The following KDM4B variants were observed in gnomAD, a reference collection of about 807,000 sequenced individuals.
The protein encoded by KDM4B is lysine demethylase 4B, also known as lysine-specific demethylase 4B.
KDM4B carries 32 observed loss-of-function variants against 125.2 expected under a neutral mutation model. The ratio of observed to expected loss-of-function variants is 0.26; its 90% confidence interval spans 0.19 to 0.34. The LOEUF is 0.34. KDM4B is among the 10% of genes least tolerant of loss of function. The pLI, the probability that KDM4B is intolerant of heterozygous loss-of-function variation, is 1.00. For missense variants in KDM4B, 1,190 were observed against 1,577.7 expected, an observed-to-expected ratio of 0.75 and a Z score of 4.16; for synonymous variants, 721 against 677.9, an observed-to-expected ratio of 1.06 and a Z score of -0.99.
rs917075844 is a variant in KDM4B, at chr19:5,050,254, A to ATTC, written c.626+2585_626+2586insTTC. Among the ~76,000 whole-genome samples, 4 of 152,256 alleles carry ATTC rather than the reference A, an allele frequency of 2.6e-5. 1 individual carries two copies. The highest frequency in any genetic ancestry group is 9.6e-5 in the African/African-American group (4 of 41,464). On this transcript the variant is annotated intron_variant, in intron 6 of 22. Transcript: ENST00000159111. ...ATTTGTGTGTCAAAGTGACGTGAACAGCCTGGTGTCAATAACAGGCAGAAA... is the reference window on the plus strand; with the variant it reads ...ATTTGTGTGTCAAAGTGACGTGAACATTCGCCTGGTGTCAATAACAGGCAGAAA...
intron 5 of KDM4B, among the ~76,000 whole-genome samples, chr19:5,044,408 C>T (rs924153007): frequency 6.7e-5 from 10 of 148,842 alleles, no homozygotes; most frequent in Admixed American, 4.7e-4. Context: ...GGGTGTCCAC[C>T]TTATCCCACG....
At chr19:5,135,810 G>A (rs1268615332) in intron 15 of KDM4B, among the ~76,000 whole-genome samples, 6 of 152,234 alleles carry the variant, frequency 3.9e-5, no homozygotes, top group South Asian at 4.1e-4. Flanking sequence ...CTGGATGACC[G>A]CATGCCACCC....
At chr19:5,111,888 C>T (rs1160831995) in intron 10 of KDM4B, 15 of 747,964 alleles carry the variant, frequency 2.0e-5, no homozygotes, top group Non-Finnish European at 2.7e-5. Context: ...TGTTTACAGA[C>T]CCTGAAATCC....
intron 9 of KDM4B, among the ~76,000 whole-genome samples, chr19:5,101,716 C>A (rs1244628255): frequency 6.8e-6 from 1 of 146,222 alleles, no homozygotes; most frequent in African/African-American, 2.6e-5. Context: ...CTGGGGAGAT[C>A]CGGGTGGGCT....
rs1308153451 is a variant in KDM4B, at chr19:5,035,895, G to GCGCGCA, written c.141+2865_141+2866insGCGCAC. Among the ~76,000 whole-genome samples, 1 of 125,054 alleles carries GCGCGCA rather than the reference G, an allele frequency of 8.0e-6. No homozygotes were observed. The highest frequency in any genetic ancestry group is 2.8e-5 in the African/African-American group (1 of 35,754). 82.0% of individuals were successfully genotyped at this position (125,054 alleles called of 152,430 possible). A position where few individuals can be genotyped will look rare whatever the true frequency, so the allele number is the denominator to read the frequency against. The stretch of plus-strand genomic sequence containing the variant: ...TGTGTGTGTGTGCGCGCGCGCGCGC[G>GCGCGCA]CCTGCGCGCACAGGAGACTGAGGTG... On this transcript the variant is annotated intron_variant, in intron 3 of 22. Transcript: ENST00000159111. This position sits in a 1 kb window ranked among gnomAD's most constrained non-coding sequence, Gnocchi z 5.3.
At chr19:5,070,757 T>C in intron 6 of KDM4B, 1 of 427,880 alleles carries the variant, frequency 2.3e-6, no homozygotes, top group Non-Finnish European at 4.2e-6. Flanking sequence ...CTCCTGGCTT[T>C]CTGAGTGTGT....
rs1325695883 is a variant in KDM4B, at chr19:5,114,341, C to T, written c.1115+3523C>T. On this transcript the variant is annotated intron_variant, in intron 10 of 22. Transcript: ENST00000159111. This position sits in a 1 kb window ranked among gnomAD's most constrained non-coding sequence, Gnocchi z 5.8. ...CTCCCCTACCCCTCCGAGCTCGGTG[C>T]TGCCTGTCCCCTCCTGCTCTGCCTT... The T allele has an allele frequency of 3.8e-6, 3 of 785,366 alleles. No individual in the cohort carries two copies. The highest frequency in any genetic ancestry group is 3.6e-5 in the African/African-American group (2 of 56,066). 48.6% of individuals were successfully genotyped at this position (785,366 alleles called of 1,614,324 possible).
At chr19:5,011,581 G>A (rs935814232) in intron 1 of KDM4B, among the ~76,000 whole-genome samples, 7 of 152,146 alleles carry the variant, frequency 4.6e-5, no homozygotes, top group Admixed American at 2.0e-4. Context: ...GCTTGTGGCC[G>A]TGGGAGAGGC....
At chr19:4,996,478 G>A (rs1326601134) in intron 1 of KDM4B, among the ~76,000 whole-genome samples, 1 of 151,732 alleles carries the variant, frequency 6.6e-6, no homozygotes, top group Non-Finnish European at 1.5e-5. Context: ...GGGCTCAAGC[G>A]ATCTCTTGCC....
intron 21 of KDM4B, among the ~76,000 whole-genome samples, chr19:5,146,873 C>T (rs1048910294): frequency 1.6e-5 from 2 of 124,594 alleles, no homozygotes; most frequent in Non-Finnish European, 3.1e-5. Context: ...CCCAGGAGGT[C>T]GAGGATGCAG....
chr19:5,013,423 G>A (rs1002281470), intron 1 of KDM4B, among the ~76,000 whole-genome samples: 5 of 152,148 alleles, frequency 3.3e-5, no homozygotes, highest in East Asian at 3.9e-4. Flanking sequence ...ACAAATGGCC[G>A]CAGACACAGT....
At chr19:5,021,362 G>C (rs1009099153) in intron 2 of KDM4B, among the ~76,000 whole-genome samples, 1 of 152,144 alleles carries the variant, frequency 6.6e-6, no homozygotes, top group South Asian at 2.1e-4. Flanking sequence ...GCCAAGGCGG[G>C]TGGCCTTGAT....
rs767455117 is a variant in KDM4B at position 5,082,554 on chromosome 19, C to CT, written c.918+56dup. ...GGTCCCAGCAGGGCGGGAGGAGGCT[C>CT]TTTTTTGCCTCTGCAGCCACACGCC... On this transcript the variant is annotated intron_variant, in intron 9 of 22. Coordinates refer to ENST00000159111, the MANE Select transcript of KDM4B (RefSeq NM_015015.3). This position sits in a 1 kb window ranked among gnomAD's most constrained non-coding sequence, Gnocchi z 5.4. 4 of 1,526,858 alleles carry CT rather than the reference C, an allele frequency of 2.6e-6. No individual in the cohort carries two copies. In the South Asian group the frequency reaches 3.9e-5, roughly 15 times the overall value. The allele number at this position is 1,526,858 out of a possible 1,614,324, so 94.6% of individuals were successfully genotyped here.
In KDM4B at chr19:5,137,060, C is replaced by T. The variant is rs187317803; in HGVS notation, c.2309-202C>T. 5.3e-5 allele frequency among the ~76,000 whole-genome samples: 8 copies of T among 152,332 alleles called. No homozygotes were observed. In the East Asian group the frequency reaches 9.7e-4, roughly 18 times the overall value. ...ACAAGTAGCTTCCAGACCTTTCTCT[C>T]GCTCCACATGCAGTGGCCTGGATTG... On this transcript the variant is annotated intron_variant, in intron 15 of 22. Coordinates refer to ENST00000159111, the MANE Select transcript of KDM4B (RefSeq NM_015015.3).
chr19:5,095,211 C>T (rs551729338), intron 9 of KDM4B, among the ~76,000 whole-genome samples: 3 of 152,308 alleles, frequency 2.0e-5, no homozygotes, highest in Admixed American at 1.3e-4. Context: ...CTCAATGTTC[C>T]GCCCTGGTTC....
At chr19:4,990,519 T>C (rs1306211790) in intron 1 of KDM4B, among the ~76,000 whole-genome samples, 1 of 152,148 alleles carries the variant, frequency 6.6e-6, no homozygotes, top group Non-Finnish European at 1.5e-5. Context: ...GGGCTGTGCC[T>C]GGGATCCTGG....
intron 3 of KDM4B, among the ~76,000 whole-genome samples, chr19:5,034,911 T>TG (rs1318204608): frequency 6.6e-6 from 1 of 152,168 alleles, no homozygotes; most frequent in East Asian, 1.9e-4. Context: ...ACTGCAGCCT[T>TG]GACCTCCTGG....
chr19:5,104,741 C>A (rs2145965305), intron 9 of KDM4B, among the ~76,000 whole-genome samples: 1 of 152,126 alleles, frequency 6.6e-6, no homozygotes, highest in East Asian at 1.9e-4. Context: ...ACCCTCACAC[C>A]CCCCAAAAAT....
intron 11 of KDM4B, among the ~76,000 whole-genome samples, chr19:5,127,658 G>A (rs895811489): frequency 6.6e-6 from 1 of 152,226 alleles, no homozygotes; most frequent in African/African-American, 2.4e-5. Context: ...GACAGAACCA[G>A]GCAGCCAACC....
Sources: allele counts gnomAD v4.1 joint callset (sites outside exome capture counted in the v4.1 genomes callset), GRCh38; gene constraint gnomAD v4.1.1; non-coding constraint Gnocchi (gnomAD v3.1); transcripts MANE v1.5; gene names NCBI Gene and HGNC (gene_info 2026-07-23, HGNC 2026-07-21).